ANO1: variants seen among roughly 807,000 people sequenced by gnomAD.
ANO1 encodes the protein anoctamin-1.
Under a neutral mutation model 124.0 loss-of-function variants are expected in ANO1, and 59 were observed. The observed-to-expected ratio is 0.48, with a 90% CI of 0.39 to 0.59. ANO1 has a LOEUF of 0.59. Ranked by LOEUF, ANO1 falls within the 20% of genes least tolerant of loss-of-function variation. The pLI, the probability that ANO1 is intolerant of heterozygous loss-of-function variation, is 0.00. For synonymous variants in ANO1, 529 were observed against 532.0 expected, an observed-to-expected ratio of 0.99 and a Z score of 0.08; for missense variants, 1,059 against 1,328.0, an observed-to-expected ratio of 0.80 and a Z score of 3.15.
intron 1 of ANO1, among the ~76,000 whole-genome samples, chr11:70,069,093 C>G (rs532413989): frequency 6.6e-6 from 1 of 152,250 alleles, no homozygotes; most frequent in Non-Finnish European, 1.5e-5. Flanking sequence ...TGAATCCACT[C>G]ACAGAGGGCC....
At chr11:70,002,464 A>AAAAAAAAAAAC (rs1171123869) in intron 1 of ANO1, among the ~76,000 whole-genome samples, 1 of 150,750 alleles carries the variant, frequency 6.6e-6, no homozygotes, top group Non-Finnish European at 1.5e-5. Context: ...ACTCCACCAA[A>AAAAAAAAAAAC]AAAAAAAAAA....
At chr11:70,139,899 G>A (rs1460095944) in intron 11 of ANO1, among the ~76,000 whole-genome samples, 1 of 152,196 alleles carries the variant, frequency 6.6e-6, no homozygotes, top group Non-Finnish European at 1.5e-5. Flanking sequence ...TGGCGTGTGT[G>A]CTGAACACGT....
chr11:70,181,792 AAGT>A (rs1405041174), intron 23 of ANO1, among the ~76,000 whole-genome samples: 22 of 152,034 alleles, frequency 1.4e-4, no homozygotes, highest in Admixed American at 1.0e-3. Context: ...AAAAAAAAAA[AAGT>A]AGTAGCAGGA....
chr11:70,175,163 G>A (rs75725796), intron 22 of ANO1, among the ~76,000 whole-genome samples: 17,583 of 152,234 alleles, frequency 0.12, 1,108 homozygotes, highest in Middle Eastern at 0.16. Context: ...CTGGCTTCCC[G>A]CAGTCCCTCT....
upstream of ANO1, among the ~76,000 whole-genome samples, chr11:70,073,916 C>T (rs1418870956): frequency 2.0e-5 from 3 of 148,180 alleles, no homozygotes; most frequent in African/African-American, 5.0e-5. Context: ...GTTTCCGAGC[C>T]CATGGAGTCC....
chr11:70,007,789 A>G (rs1489428140), intron 1 of ANO1, among the ~76,000 whole-genome samples: 3 of 152,106 alleles, frequency 2.0e-5, no homozygotes, highest in Non-Finnish European at 4.4e-5. Flanking sequence ...GGATTACTGG[A>G]TCAATTTTTC....
intron 1 of ANO1, among the ~76,000 whole-genome samples, chr11:69,990,397 C>G (rs117480083): frequency 6.6e-6 from 1 of 152,184 alleles, no homozygotes; most frequent in Non-Finnish European, 1.5e-5. Context: ...ATTCATCTAT[C>G]GACAGACATG....
intron 8 of ANO1, among the ~76,000 whole-genome samples, chr11:70,117,522 G>T (rs578149890): frequency 6.6e-6 from 1 of 151,944 alleles, no homozygotes; most frequent in African/African-American, 2.4e-5. Context: ...CCCCCGAAAA[G>T]AACATGTCCC....
At chr11:70,123,465 C>T (rs993422011) in intron 8 of ANO1, among the ~76,000 whole-genome samples, 2 of 152,226 alleles carry the variant, frequency 1.3e-5, no homozygotes, top group Non-Finnish European at 2.9e-5. Context: ...ACTTCCTGCC[C>T]TCCAGGCACT....
At chr11:70,032,577 T>G (rs1857021998) in intron 1 of ANO1, among the ~76,000 whole-genome samples, 1 of 150,574 alleles carries the variant, frequency 6.6e-6, no homozygotes, top group Non-Finnish European at 1.5e-5. Flanking sequence ...GAACCCACTG[T>G]GAAGGGGTGG....
rs564402042 is a variant in ANO1, at chr11:70,114,212, C to T, written c.856-2246C>T. ...GAGAAACAGGCTGGAGGAGCTCAGACCACTTGCCCAGGGGCGCACAGCCCA... is the reference window on the plus strand; with the variant it reads ...GAGAAACAGGCTGGAGGAGCTCAGATCACTTGCCCAGGGGCGCACAGCCCA... On this transcript the variant is annotated intron_variant, in intron 7 of 25. Coordinates refer to ENST00000355303, the MANE Select transcript of ANO1 (RefSeq NM_018043.7). 2.0e-5 allele frequency among the ~76,000 whole-genome samples: 3 copies of T among 152,348 alleles called. No individual in the cohort carries two copies. The East Asian group carries it at 5.8e-4, about 29-fold the overall frequency.
intron 11 of ANO1, among the ~76,000 whole-genome samples, chr11:70,142,254 G>A (rs950383633): frequency 5.9e-5 from 9 of 152,294 alleles, no homozygotes; most frequent in African/African-American, 2.2e-4. Flanking sequence ...GAGAAAGATG[G>A]TCCCAACTTT....
chr11:70,048,357 T>C (rs1467972414), intron 1 of ANO1, among the ~76,000 whole-genome samples: 1 of 152,220 alleles, frequency 6.6e-6, no homozygotes, highest in African/African-American at 2.4e-5. Flanking sequence ...AAGGTTCACA[T>C]AGATTTTTTT....
chr11:69,977,249 C>T, the ANO1 span, among the ~76,000 whole-genome samples: 1 of 152,184 alleles, frequency 6.6e-6, no homozygotes, highest in African/African-American at 2.4e-5. Flanking sequence ...TGTGCACGGT[C>T]AGTCAGAAGG....
chr11:70,025,854 GTGATGGTGATGATGA>G (rs1856891958), intron 1 of ANO1, among the ~76,000 whole-genome samples: 3 of 143,470 alleles, frequency 2.1e-5, no homozygotes, highest in African/African-American at 7.7e-5. Context: ...GATGGTGGTG[GTGATGGTGATGATGA>G]TGATGGTGGT....
chr11:69,971,285 G>A, the ANO1 span, among the ~76,000 whole-genome samples: 2 of 152,164 alleles, frequency 1.3e-5, no homozygotes, highest in African/African-American at 4.8e-5. Flanking sequence ...CCTAGACCAC[G>A]TGTGATTCTA....
chr11:70,140,701 A>G (rs2047123227), intron 11 of ANO1, among the ~76,000 whole-genome samples: 1 of 152,208 alleles, frequency 6.6e-6, no homozygotes, highest in Admixed American at 6.5e-5. Flanking sequence ...ACTCTGCTAC[A>G]AGGGTTTGTG....
At chr11:70,016,051 G>A (rs1226549675) in intron 1 of ANO1, among the ~76,000 whole-genome samples, 3 of 149,948 alleles carry the variant, frequency 2.0e-5, no homozygotes, top group Admixed American at 6.6e-5. Context: ...TTTTTGAAAC[G>A]GAGTCTCACT....
chr11:69,987,661 C>T (rs1238386044), intron 1 of ANO1, among the ~76,000 whole-genome samples: 2 of 150,108 alleles, frequency 1.3e-5, no homozygotes. Context: ...GTGTCTGAGT[C>T]CAGTTGCTGT....
Sources: allele counts gnomAD v4.1 joint callset (sites outside exome capture counted in the v4.1 genomes callset), GRCh38; gene constraint gnomAD v4.1.1; transcripts MANE v1.5; gene names NCBI Gene and HGNC (gene_info 2026-07-23, HGNC 2026-07-21).